Variants in HIPK2 observed in about 807,000 individuals in gnomAD.
HIPK2 encodes the protein homeodomain interacting protein kinase 2.
A neutral mutation model predicts 113.7 loss-of-function variants in HIPK2; 27 were observed. That is an observed-to-expected ratio of 0.24 (90% CI 0.17 to 0.33). The LOEUF (loss-of-function observed/expected upper bound fraction) is 0.33, where lower values mean the gene tolerates loss of function less well. HIPK2 is among the 10% of genes least tolerant of loss of function. The probability of loss-of-function intolerance (pLI) is 1.00; values close to 1 mark genes in which losing one functional copy is unlikely to be tolerated. For missense variants in HIPK2, 1,257 were observed against 1,588.0 expected (o/e 0.79, Z 3.54); for synonymous variants, 631 against 642.2 (o/e 0.98, Z 0.26).
chr7:139,672,229 T>C (rs928292269), intron 2 of HIPK2, among the ~76,000 whole-genome samples: 3 of 152,192 alleles, frequency 2.0e-5, no homozygotes, highest in Admixed American at 1.3e-4. Context: ...CTCATAACAC[T>C]TGAAGATAAG....
At chr7:139,775,537 G>A (rs1009596039) in intron 1 of HIPK2, among the ~76,000 whole-genome samples, 6 of 152,098 alleles carry the variant, frequency 3.9e-5, no homozygotes, top group African/African-American at 9.7e-5. Context: ...GGTGCACAGC[G>A]CAGGAACAAT....
intron 1 of HIPK2, among the ~76,000 whole-genome samples, chr7:139,718,170 A>G (rs960033797): frequency 5.3e-5 from 8 of 152,250 alleles, no homozygotes; most frequent in African/African-American, 1.9e-4. Flanking sequence ...CATAGAAAAT[A>G]TATTAAGCAA....
chr7:139,767,543 TC>T (rs1796573757), intron 1 of HIPK2, among the ~76,000 whole-genome samples: 1 of 152,158 alleles, frequency 6.6e-6, no homozygotes, highest in Admixed American at 6.6e-5. Context: ...GCCATGGAAG[TC>T]AGTGGCTGAA....
At chr7:139,594,709 T>G (rs1007571006) in intron 12 of HIPK2, among the ~76,000 whole-genome samples, 2 of 152,166 alleles carry the variant, frequency 1.3e-5, no homozygotes, top group Non-Finnish European at 2.9e-5. Context: ...CTAGCCTCAG[T>G]CTGCAGCTTC....
At position 139,630,890 on chromosome 7, in the gene HIPK2, G is replaced by A. The variant is rs1800588158; in HGVS notation, c.1347+275C>T. ...AGCTCTCAAGGGCAGAGTGGGGTTC[G>A]TTTCTCTCCCTAGCACAAATCAGAC... On this transcript the variant is annotated intron_variant, in intron 4 of 14. Transcript: ENST00000406875. This position sits in a 1 kb window ranked among gnomAD's most constrained non-coding sequence, Gnocchi z 4.0. Among the ~76,000 whole-genome samples, 2 of 152,184 alleles carry A rather than the reference G, an allele frequency of 1.3e-5. No homozygotes were observed. The highest frequency in any genetic ancestry group is 4.8e-5 in the African/African-American group (2 of 41,438).
At chr7:139,774,713 C>T (rs754594749) in intron 1 of HIPK2, among the ~76,000 whole-genome samples, 95 of 152,196 alleles carry the variant, frequency 6.2e-4, no homozygotes, top group Non-Finnish European at 1.2e-3. Context: ...ATTTAGGCTC[C>T]TCTCATTCAG....
chr7:139,659,026 CACTG>C (rs1801770445), intron 2 of HIPK2, among the ~76,000 whole-genome samples: 1 of 152,152 alleles, frequency 6.6e-6, no homozygotes, highest in Admixed American at 6.5e-5. Context: ...GAAGGCTAAA[CACTG>C]ACTGATGGAC....
At chr7:139,732,692 G>T (rs980279688) in intron 1 of HIPK2, among the ~76,000 whole-genome samples, 8 of 151,378 alleles carry the variant, frequency 5.3e-5, no homozygotes, top group African/African-American at 1.9e-4. Flanking sequence ...CTCTAAAGTG[G>T]AGACAGTAAT....
rs924981689 is a variant in HIPK2, at chr7:139,714,476, G to A, written c.1103+1456C>T. On this transcript the variant is annotated intron_variant, in intron 2 of 14. Coordinates refer to ENST00000406875, the MANE Select transcript of HIPK2 (RefSeq NM_022740.5). This position sits in a 1 kb window ranked among gnomAD's most constrained non-coding sequence, Gnocchi z 4.2. The stretch of plus-strand genomic sequence containing the variant: ...TTGCAACAGCTCTGCCTGCAGCCAG[G>A]ATGGGGGCCCGGACAGGGAGCAAGA... Among the ~76,000 whole-genome samples the A allele has an allele frequency of 1.3e-5, 2 of 152,174 alleles. No homozygotes were observed. The highest frequency in any genetic ancestry group is 2.4e-5 in the African/African-American group (1 of 41,436).
At chr7:139,775,685 C>T (rs111603144) in intron 1 of HIPK2, among the ~76,000 whole-genome samples, 64 of 152,174 alleles carry the variant, frequency 4.2e-4, no homozygotes, top group African/African-American at 1.5e-3. Flanking sequence ...ATTCTTAAAC[C>T]GTAACACCCT....
At chr7:139,704,658 A>C (rs1162512521) in intron 2 of HIPK2, among the ~76,000 whole-genome samples, 1 of 152,126 alleles carries the variant, frequency 6.6e-6, no homozygotes, top group Admixed American at 6.5e-5. Context: ...TCTTCAGGGG[A>C]GTCTTAAACA....
chr7:139,627,054 CA>C (rs1279324325), intron 5 of HIPK2, among the ~76,000 whole-genome samples: 1 of 152,174 alleles, frequency 6.6e-6, no homozygotes, highest in Non-Finnish European at 1.5e-5. Context: ...ATCTGAATGA[CA>C]GGATGTAAAC....
chr7:139,771,829 G>A (rs1338583353), intron 1 of HIPK2, among the ~76,000 whole-genome samples: 1 of 152,300 alleles, frequency 6.6e-6, no homozygotes, highest in African/African-American at 2.4e-5. Context: ...AAAAGCTAAA[G>A]AGACCCAGTT....
chr7:139,590,353 TAAG>T (rs1375328845), intron 12 of HIPK2, among the ~76,000 whole-genome samples: 2 of 152,148 alleles, frequency 1.3e-5, no homozygotes, highest in Non-Finnish European at 2.9e-5. Context: ...TGAAAATAAA[TAAG>T]GAGCTAAAAA....
intron 13 of HIPK2, among the ~76,000 whole-genome samples, chr7:139,582,598 G>C (rs952388478): frequency 6.6e-6 from 1 of 152,258 alleles, no homozygotes; most frequent in African/African-American, 2.4e-5. Context: ...AAGGTAGCTG[G>C]GGTAACTCCA....
intron 7 of HIPK2, among the ~76,000 whole-genome samples, chr7:139,619,031 G>T (rs1444507326): frequency 2.6e-5 from 4 of 152,192 alleles, no homozygotes; most frequent in Non-Finnish European, 5.9e-5. Context: ...TTCACCCTAA[G>T]GAGAGCTTCA....
At chr7:139,596,520 T>C (rs1391582145) in intron 12 of HIPK2, among the ~76,000 whole-genome samples, 197 bp downstream of exon 12, 2 of 152,228 alleles carry the variant, frequency 1.3e-5, no homozygotes, top group African/African-American at 4.8e-5. Context: ...TTCGACATTA[T>C]TTTGGTTTTA....
At chr7:139,574,793 C>T (rs985267621) in intron 14 of HIPK2, among the ~76,000 whole-genome samples, 8 of 152,218 alleles carry the variant, frequency 5.3e-5, no homozygotes, top group African/African-American at 1.7e-4. Context: ...CCGACAGGGC[C>T]GGGACACAGT....
chr7:139,579,382 T>C (rs1167292388), intron 13 of HIPK2, among the ~76,000 whole-genome samples: 4 of 152,188 alleles, frequency 2.6e-5, no homozygotes, highest in Admixed American at 2.0e-4. Context: ...CAATGAAGTA[T>C]CCTATGGGTG....
Sources: allele counts gnomAD v4.1 joint callset (sites outside exome capture counted in the v4.1 genomes callset), GRCh38; gene constraint gnomAD v4.1.1; non-coding constraint Gnocchi (gnomAD v3.1); transcripts MANE v1.5; gene names NCBI Gene and HGNC (gene_info 2026-07-23, HGNC 2026-07-21).